Variants in KBTBD3 observed in about 807,000 individuals in gnomAD.
KBTBD3 encodes kelch repeat and BTB domain-containing protein 3.
KBTBD3 carries 38 observed loss-of-function variants against 49.6 expected under a neutral mutation model. The ratio of observed to expected loss-of-function variants is 0.77; its 90% CI spans 0.59 to 1.00. The LOEUF (loss-of-function observed/expected upper bound fraction) is 1.00, where lower values mean the gene tolerates loss of function less well. KBTBD3 is among the 50% of genes least tolerant of loss of function. The pLI is 0.00. For missense variants in KBTBD3, 661 were observed against 712.0 expected, an observed-to-expected ratio of 0.93 and a Z score of 0.81; for synonymous variants, 214 against 250.4, an observed-to-expected ratio of 0.85 and a Z score of 1.37.
At chr11:106,065,641 A>G (rs1261706561) in intron 2 of KBTBD3, among the ~76,000 whole-genome samples, 1 of 152,148 alleles carries the variant, frequency 6.6e-6, no homozygotes, top group African/African-American at 2.4e-5. Flanking sequence ...AATAATGGGC[A>G]CAATTTATAG....
At chr11:106,057,522 G>C (rs1356468203) in intron 3 of KBTBD3, 1 of 152,222 alleles carries the variant, frequency 6.6e-6, no homozygotes, top group Non-Finnish European at 1.5e-5. Context: ...AGCCTCACAG[G>C]ATAGTACTAC....
rs34578169 is a variant in KBTBD3, at chr11:106,066,733, TAAA to T, written c.-12-7627_-12-7625del. ...TGATTCTTAAAAATATAATCCCTAT[TAAA>T]AAAAAAAAAAACAAAAAGACTCTGC... On this transcript the variant is annotated intron_variant, in intron 2 of 3. Coordinates refer to ENST00000531837, the MANE Select transcript of KBTBD3 (RefSeq NM_198439.3). Among the ~76,000 whole-genome samples, 18 of 140,858 alleles carry T rather than the reference TAAA, an allele frequency of 1.3e-4. No homozygotes were observed. The East Asian group carries it at 2.0e-3, about 16-fold the overall frequency. The allele number at this position is 140,858 out of a possible 152,430, so 92.4% of individuals were successfully genotyped here.
Position 106,059,076 on chromosome 11 carries a change from A to C in KBTBD3, c.22T>G (p.Ser8Ala). The C allele has an allele frequency of 3.2e-6, 5 of 1,553,104 alleles. No individual in the cohort carries two copies. The highest frequency in any genetic ancestry group is 1.7e-6 in the Non-Finnish European group (2 of 1,160,348). The change falls in exon 3 of 4, where the codon TCA becomes GCA. Residue 8 changes from serine (S) to alanine (A), a missense_variant. Transcript: ENST00000531837. The stretch of plus-strand genomic sequence containing the variant: ...GTGCTTCGTTGATTGAAAGCATATG[A>C]ATTATCCATAGCCAATTCCATATGT... MELAMDN[S>A]YAFNQRSTCN...
At chr11:106,070,685 C>G (rs1860900943) in intron 2 of KBTBD3, among the ~76,000 whole-genome samples, 1 of 152,060 alleles carries the variant, frequency 6.6e-6, no homozygotes, top group Non-Finnish European at 1.5e-5. Context: ...TAAACATACA[C>G]ATACCATATT....
chr11:106,054,232 T>G lies in KBTBD3; in HGVS notation c.457A>C (p.Asn153His), dbSNP rs773704931. ...GATATAGATAATAACTGTAAACAAT[T>G]GACAAGATTAATACTTTTTATTAAA... The part of the protein sequence containing the change: ...DFLIKSINLV[N>H]CLQLLSISDS... The change falls in exon 4 of 4, where the codon AAT becomes CAT. Residue 153 changes from asparagine (N) to histidine (H), a missense_variant. Coordinates refer to ENST00000531837, the MANE Select transcript of KBTBD3 (RefSeq NM_198439.3). 6.2e-7 allele frequency: 1 copy of G among 1,611,916 alleles called. No individual in the cohort carries two copies. The highest frequency in any genetic ancestry group is 1.3e-5 in the African/African-American group (1 of 74,766).
intron 2 of KBTBD3, among the ~76,000 whole-genome samples, chr11:106,071,395 A>G (rs549185259): frequency 6.6e-6 from 1 of 152,276 alleles, no homozygotes; most frequent in Non-Finnish European, 1.5e-5. Context: ...TGTAATTTAG[A>G]TCTTGTGTTG....
Position 106,054,420 on chromosome 11 carries a change from T to A in KBTBD3, c.269A>T (p.Asp90Val), listed in dbSNP as rs1449288123. ...MFEVNMKERD[D>V]GSVTITNLSS... Reference sequence around the variant, plus strand: ...CAAATTAGTAATGGTAACACTTCCATCATCTCTTTCTTTCATGTTTACTTC... The same window carrying A: ...CAAATTAGTAATGGTAACACTTCCAACATCTCTTTCTTTCATGTTTACTTC... Residue 90 changes from aspartate to valine, a missense_variant, in exon 4 of 4, where the codon GAT (aspartate) becomes GTT (valine). By Grantham distance (152) the Asp-to-Val change is radical (BLOSUM62 -3). Transcript: ENST00000531837. 2 of 1,574,170 alleles carry A rather than the reference T, an allele frequency of 1.3e-6. No homozygotes were observed. The highest frequency in any genetic ancestry group is 4.5e-5 in the East Asian group (2 of 44,164).
intron 3 of KBTBD3, chr11:106,057,973 C>A (rs1860588311): frequency 2.5e-6 from 1 of 398,072 alleles, no homozygotes; most frequent in African/African-American, 2.1e-5. Context: ...CTGACACCAT[C>A]AAAAAAATTT....
intron 2 of KBTBD3, among the ~76,000 whole-genome samples, chr11:106,066,688 A>C (rs1860814952): frequency 1.3e-5 from 2 of 151,118 alleles, no homozygotes; most frequent in South Asian, 4.3e-4. Flanking sequence ...TGTGCCACAG[A>C]GTTCACATAG....
At chr11:106,058,516 T>C (rs76304741) in intron 3 of KBTBD3, among the ~76,000 whole-genome samples, 1 of 151,966 alleles carries the variant, frequency 6.6e-6, no homozygotes, top group Non-Finnish European at 1.5e-5. Flanking sequence ...CTCAGCCTCC[T>C]GGGTTCAAGC....
intron 2 of KBTBD3, among the ~76,000 whole-genome samples, chr11:106,072,226 A>G (rs1860932733): frequency 6.6e-6 from 1 of 152,238 alleles, no homozygotes. Flanking sequence ...TGATATTATG[A>G]AAATAAAACA....
At chr11:106,065,638 G>T (rs1323315299) in intron 2 of KBTBD3, among the ~76,000 whole-genome samples, 1 of 152,064 alleles carries the variant, frequency 6.6e-6, no homozygotes, top group African/African-American at 2.4e-5. Context: ...GGAAATAATG[G>T]GCACAATTTA....
chr11:106,066,102 T>G (rs1318446377), intron 2 of KBTBD3, among the ~76,000 whole-genome samples: 1 of 152,112 alleles, frequency 6.6e-6, no homozygotes, highest in Non-Finnish European at 1.5e-5. Context: ...GGAGGGAAAT[T>G]TTGACAATGA....
rs1860408640 is a variant in KBTBD3, at chr11:106,051,106, G to C, written c.*1744C>G. The C allele has an allele frequency of 6.6e-6, 1 of 151,862 alleles. No homozygotes were observed. Among genetic ancestry groups the C allele is most frequent in the African/African-American group, 2.4e-5 (1 of 41,392 alleles). The allele number at this position is 151,862 out of a possible 1,614,324, so 9.4% of individuals were successfully genotyped here. A position where few individuals can be genotyped will look rare whatever the true frequency, so the allele number is the denominator to read the frequency against. ...ATGAACAATTCCTAAAGTCAGTGAT[G>C]AAAACAATATTTATTTTAAACATAC... is the stretch of plus-strand genomic sequence containing the variant. On this transcript the variant is annotated 3_prime_UTR_variant, in exon 4 of 4. Transcript: ENST00000531837.
At position 106,068,335 on chromosome 11, in the gene KBTBD3, A is replaced by G. The variant is rs78185664; in HGVS notation, c.-13+8172T>C. 5.1e-4 allele frequency among the ~76,000 whole-genome samples: 78 copies of G among 152,296 alleles called. No individual in the cohort carries two copies. In the East Asian group the frequency reaches 0.013, roughly 26 times the overall value. ...GAAATCAAACTAAAAATCAATAACA[A>G]AAAGATAACATAAACATCTCCACAC... On this transcript the variant is annotated intron_variant, in intron 2 of 3. Transcript: ENST00000531837.
Position 106,053,928 on chromosome 11 carries a change from C to G in KBTBD3, c.761G>C (p.Cys254Ser). The G allele has an allele frequency of 1.2e-6, 2 of 1,613,930 alleles. No individual in the cohort carries two copies. The highest frequency in any genetic ancestry group is 8.5e-7 in the Non-Finnish European group (1 of 1,179,886). ...GAGTAAACTCTCTTCATTGAACAGA[C>G]AGTCCTGAAGTGTCTCCTCAGATAA... ...HQLSEETLQD[C>S]LFNEESLLKS... is the part of the protein sequence containing the mutation. Residue 254 changes from cysteine (C) to serine (S), a missense_variant, in exon 4 of 4, where the codon TGT (cysteine) becomes TCT (serine). Coordinates refer to ENST00000531837, the MANE Select transcript of KBTBD3 (RefSeq NM_198439.3).
chr11:106,056,981 T>G (rs1478989023), intron 3 of KBTBD3, among the ~76,000 whole-genome samples: 3 of 152,124 alleles, frequency 2.0e-5, no homozygotes, highest in Admixed American at 6.6e-5. Context: ...AGAACAACTT[T>G]GATTAACTGA....
In KBTBD3 at chr11:106,060,932, A is replaced by G. The variant is rs548533179; in HGVS notation, c.-12-1823T>C. Among the ~76,000 whole-genome samples, 3 of 152,356 alleles carry G rather than the reference A, an allele frequency of 2.0e-5. No individual in the cohort carries two copies. In the East Asian group the frequency reaches 5.8e-4, roughly 29 times the overall value. The stretch of plus-strand genomic sequence containing the variant: ...AATATCCAGAATCTACAAGGAACTT[A>G]AACAAATTTGCAAGAAAAAAACAAA... On this transcript the variant is annotated intron_variant, in intron 2 of 3. Coordinates refer to ENST00000531837, the MANE Select transcript of KBTBD3 (RefSeq NM_198439.3).
intron 2 of KBTBD3, 146 bp from the exon 3 acceptor site, chr11:106,059,255 C>T (rs1206100759): frequency 1.8e-6 from 1 of 552,164 alleles, no homozygotes; most frequent in Non-Finnish European, 3.1e-6. Flanking sequence ...ATTTGTTTTC[C>T]TGACATTTAA....
Sources: gnomAD v4.1 joint callset for allele counts (sites outside exome capture counted in the v4.1 genomes callset) on GRCh38, gnomAD v4.1.1 for gene constraint, MANE v1.5 for transcripts, NCBI Gene and HGNC (gene_info 2026-07-23, HGNC 2026-07-21) for gene names.